ZNF280B: variants seen among roughly 807,000 people sequenced by gnomAD.
ZNF280B encodes the protein zinc finger protein 280B, also known as suppressor of hairy wing homolog 2.
ZNF280B carries 16 observed loss-of-function variants against 38.0 expected under a neutral mutation model. That is an observed-to-expected ratio of 0.42 (90% CI 0.28 to 0.64). The LOEUF (loss-of-function observed/expected upper bound fraction) is 0.64, where lower values mean the gene tolerates loss of function less well. Ranked by LOEUF, ZNF280B falls within the 30% of genes least tolerant of loss-of-function variation. ZNF280B has a pLI of 0.21. For synonymous variants in ZNF280B, 253 were observed against 230.6 expected (o/e 1.10, Z -0.88); for missense variants, 581 against 639.6 (o/e 0.91, Z 0.99).
intron 3 of ZNF280B, among the ~76,000 whole-genome samples, chr22:22,490,999 A>G (rs1176515398): frequency 6.6e-6 from 1 of 151,584 alleles, no homozygotes; most frequent in African/African-American, 2.4e-5. Flanking sequence ...ACCATTTAAC[A>G]TATTACGATC....
intron 3 of ZNF280B, among the ~76,000 whole-genome samples, chr22:22,493,115 A>T (rs2061629461): frequency 6.6e-6 from 1 of 151,516 alleles, no homozygotes; most frequent in Non-Finnish European, 1.5e-5. Context: ...GGTTCAAGTT[A>T]TTCTCCTGCC....
chr22:22,490,584 C>A lies in ZNF280B; in HGVS notation c.-68-1118G>T, dbSNP rs547303388. Reference sequence around the variant, plus strand: ...CCAGGTTCAAGTGATTCTTGTGCCTCAGCCTCCTGAGTAGCTGGGACTACA... The same window carrying A: ...CCAGGTTCAAGTGATTCTTGTGCCTAAGCCTCCTGAGTAGCTGGGACTACA... On this transcript the variant is annotated intron_variant, in intron 3 of 3. Transcript: ENST00000626650. 2.6e-5 allele frequency among the ~76,000 whole-genome samples: 4 copies of A among 152,042 alleles called. No homozygotes were observed. In the East Asian group the frequency reaches 7.8e-4, roughly 30 times the overall value.
rs2061540878 is a variant in ZNF280B at position 22,488,928 on chromosome 22, A to T, written c.471T>A (p.Ser157Arg). The T allele has an allele frequency of 6.2e-7, 1 of 1,613,832 alleles. No individual in the cohort carries two copies. Among genetic ancestry groups the T allele is most frequent in the Non-Finnish European group, 8.5e-7 (1 of 1,179,972 alleles). Residue 157 changes from serine (S) to arginine (R), a missense_variant, in exon 4 of 4, where the codon AGT becomes AGA. By Grantham distance (110) the Ser-to-Arg change is moderately radical. Coordinates refer to ENST00000626650, the MANE Select transcript of ZNF280B (RefSeq NM_080764.4). ...TTATACCTCCTACTGAAAGTGCTGT[A>T]CTTACTGGATGATGCAATGAATCTG... The part of the protein sequence containing the change: ...TFTDSLHHPV[S>R]TALSVGGINE...
chr22:22,496,918 A>G (rs1437219799), intron 2 of ZNF280B, among the ~76,000 whole-genome samples: 15 of 151,178 alleles, frequency 9.9e-5, no homozygotes, highest in Admixed American at 6.6e-4. Flanking sequence ...CCTGGGTTCA[A>G]GCAATTCTCC....
At position 22,493,898 on chromosome 22, in the gene ZNF280B, GA is replaced by G. The variant is rs554106129; in HGVS notation, c.-69+164del. ...CATAATTTGTGTTATGCTATGGGCT[GA>G]ACTGTGTTCCCCCCACCCCCAAATT... is the stretch of plus-strand genomic sequence containing the variant. On this transcript the variant is annotated intron_variant, in intron 3 of 3. Coordinates refer to ENST00000626650, the MANE Select transcript of ZNF280B (RefSeq NM_080764.4). 7.2e-5 allele frequency among the ~76,000 whole-genome samples: 11 copies of G among 152,020 alleles called. No individual in the cohort carries two copies. In the South Asian group the frequency reaches 1.9e-3, roughly 26 times the overall value.
chr22:22,489,205 G>T lies in ZNF280B; in HGVS notation c.194C>A (p.Thr65Asn), dbSNP rs777876839. The T allele has an allele frequency of 1.9e-6, 3 of 1,613,752 alleles. No homozygotes were observed. Among genetic ancestry groups the T allele is most frequent in the Non-Finnish European group, 2.5e-6 (3 of 1,179,946 alleles). Residue 65 changes from threonine to asparagine, a missense_variant, in exon 4 of 4, where the codon ACC (threonine) becomes AAC (asparagine). Thr to Asn is a moderately conservative substitution (Grantham distance 65). Transcript: ENST00000626650. ...PVVSNILNRV[T>N]PGSWSRRKKY... ...TTTTCTCCTTGACCATGAACCCGGG[G>T]TGACTCTGTTCAAAATGTTTGAAAC...
At chr22:22,503,075 TAG>T (rs2061857878) in intron 2 of ZNF280B, among the ~76,000 whole-genome samples, 1 of 152,008 alleles carries the variant, frequency 6.6e-6, no homozygotes, top group Non-Finnish European at 1.5e-5. Context: ...GATTCTCCGC[TAG>T]AGTTTCCCAG....
At chr22:22,508,406 G>C (rs1264728098) in intron 1 of ZNF280B, among the ~76,000 whole-genome samples, 2 of 151,922 alleles carry the variant, frequency 1.3e-5, no homozygotes, top group Non-Finnish European at 2.9e-5. Flanking sequence ...GGGGGTGGGG[G>C]CGTCTGCGTG....
Position 22,489,009 on chromosome 22 carries a change from TGAAC to T in ZNF280B, c.386_389del (p.Ser129AsnfsTer16). 6.2e-7 allele frequency: 1 copy of T among 1,613,838 alleles called. No individual in the cohort carries two copies. The highest frequency in any genetic ancestry group is 1.1e-5 in the South Asian group (1 of 91,056). ...AAGAGTTATTAGGCACAACTTGTGGTGAACTATTTCTATAATCAGGTTTAGACAA... is the reference window on the plus strand; with the variant it reads ...AAGAGTTATTAGGCACAACTTGTGGTTATTTCTATAATCAGGTTTAGACAA... On this transcript the variant is annotated frameshift_variant, in exon 4 of 4. Transcript: ENST00000626650. LOFTEE classifies it high-confidence loss of function.
At position 22,484,537 on chromosome 22, in the gene ZNF280B, T is replaced by G. The variant is rs2061481465; in HGVS notation, c.*3230A>C. The G allele has an allele frequency of 6.6e-6, 1 of 152,100 alleles. No individual in the cohort carries two copies. The highest frequency in any genetic ancestry group is 1.5e-5 in the Non-Finnish European group (1 of 67,962). 9.4% of individuals were successfully genotyped at this position (152,100 alleles called of 1,614,324 possible). A position where few individuals can be genotyped will look rare whatever the true frequency, so the allele number is the denominator to read the frequency against. On this transcript the variant is annotated 3_prime_UTR_variant, in exon 4 of 4. Coordinates refer to ENST00000626650, the MANE Select transcript of ZNF280B (RefSeq NM_080764.4). ...CAAGCGAGCAAAATAGACAAGGAAA[T>G]TCACAAAGGGCAATAACAAAATAGT...
intron 2 of ZNF280B, among the ~76,000 whole-genome samples, chr22:22,503,397 C>T (rs1391080218): frequency 6.6e-6 from 1 of 151,862 alleles, no homozygotes; most frequent in Admixed American, 6.6e-5. Flanking sequence ...AACTATATTT[C>T]AAAGAAAAAC....
Position 22,487,698 on chromosome 22 carries a change from G to C in ZNF280B, c.*69C>G, listed in dbSNP as rs1383377941. 1.5e-6 allele frequency: 2 copies of C among 1,352,532 alleles called. No homozygotes were observed. The highest frequency in any genetic ancestry group is 4.6e-5 in the East Asian group (2 of 43,372). The allele number at this position is 1,352,532 out of a possible 1,614,324, so 83.8% of individuals were successfully genotyped here. On this transcript the variant is annotated 3_prime_UTR_variant, in exon 4 of 4. Coordinates refer to ENST00000626650, the MANE Select transcript of ZNF280B (RefSeq NM_080764.4). ...GGTGCTACTGAATAATGTATGGTTT[G>C]TATTTTTTGTTTTATGAGGTTTTTT... is the stretch of plus-strand genomic sequence containing the variant.
chr22:22,502,013 G>A (rs1388276046), intron 2 of ZNF280B, among the ~76,000 whole-genome samples: 1 of 151,198 alleles, frequency 6.6e-6, no homozygotes, highest in Admixed American at 6.6e-5. Flanking sequence ...GGTGGAATGA[G>A]GCAGGGTGGC....
intron 2 of ZNF280B, among the ~76,000 whole-genome samples, chr22:22,505,844 CTGAG>C (rs1156288231): frequency 1.3e-5 from 2 of 151,918 alleles, no homozygotes; most frequent in African/African-American, 4.8e-5. Flanking sequence ...CTGGAAGGCT[CTGAG>C]TGAGAAGTAA....
At chr22:22,504,789 TA>T (rs1306942288) in intron 2 of ZNF280B, among the ~76,000 whole-genome samples, 1 of 151,954 alleles carries the variant, frequency 6.6e-6, no homozygotes, top group Non-Finnish European at 1.5e-5. Context: ...ACAGTTCTCA[TA>T]ATCTCATTAC....
At chr22:22,497,273 G>A (rs1343908327) in intron 2 of ZNF280B, among the ~76,000 whole-genome samples, 1 of 119,580 alleles carries the variant, frequency 8.4e-6, no homozygotes, top group African/African-American at 3.1e-5. Flanking sequence ...GCTCACACCT[G>A]TAATCCCAGC....
chr22:22,497,208 TAAAAAAAAAAAAAAAAA>T (rs71199486), intron 2 of ZNF280B, among the ~76,000 whole-genome samples: 65 of 33,638 alleles, frequency 1.9e-3, no homozygotes, highest in East Asian at 0.012. Flanking sequence ...TCTCCATCTT[TAAAAAAAAAAAAAAAAA>T]AAAAAAAAAA....
rs60940298 is a variant in ZNF280B, at chr22:22,498,793, C to CTTTTTT, written c.-186-4619_-186-4614dup. On this transcript the variant is annotated intron_variant, in intron 2 of 3. Transcript: ENST00000626650. Reference sequence around the variant, plus strand: ...AAAAAGAAAACTACAGGCCAATATCCTTTTTTTTTTTTTTTTTTTTTGGAG... The same window carrying CTTTTTT: ...AAAAAGAAAACTACAGGCCAATATCCTTTTTTTTTTTTTTTTTTTTTTTTTTTGGAG... Among the ~76,000 whole-genome samples the CTTTTTT allele has an allele frequency of 6.0e-4, 50 of 83,646 alleles. 1 individual carries two copies. The highest frequency in any genetic ancestry group is 2.0e-3 in the African/African-American group (39 of 19,842). The allele number at this position is 83,646 out of a possible 152,430, so 54.9% of individuals were successfully genotyped here.
In ZNF280B at chr22:22,488,792, A is replaced by G; in HGVS notation, c.607T>C (p.Phe203Leu). 6.2e-7 allele frequency: 1 copy of G among 1,613,854 alleles called. No homozygotes were observed. ...GIIEGNSSASFPSDTFHTMNT... is the reference protein window; with the variant it reads ...GIIEGNSSASLPSDTFHTMNT... ...ATTGTATGAAAGGTATCTGAAGGGA[A>G]TGAAGCTGAAGAATTTCCTTCTATA... The change falls in exon 4 of 4, where the codon TTC becomes CTC. Residue 203 changes from phenylalanine (F) to leucine (L), a missense_variant. By Grantham distance (22) the Phe-to-Leu change is conservative. Transcript: ENST00000626650.
Sources: allele counts gnomAD v4.1 joint callset (sites outside exome capture counted in the v4.1 genomes callset), GRCh38; gene constraint gnomAD v4.1.1; transcripts MANE v1.5; gene names NCBI Gene and HGNC (gene_info 2026-07-23, HGNC 2026-07-21).